Variants in SLC25A34 observed in about 807,000 individuals in gnomAD.
SLC25A34 encodes the protein solute carrier family 25, member 34.
A neutral mutation model predicts 28.1 loss-of-function variants in SLC25A34; 26 were observed. The observed-to-expected ratio is 0.93, with a 90% CI of 0.68 to 1.28. The LOEUF is 1.28. SLC25A34 is among the 50% of genes most tolerant of loss of function. The pLI is 0.00. For synonymous variants in SLC25A34, 182 were observed against 182.2 expected (o/e 1.00, Z 0.01); for missense variants, 384 against 409.8 (o/e 0.94, Z 0.54).
chr1:15,739,452 G>A lies in SLC25A34; in HGVS notation c.*46G>A, dbSNP rs778992975. 4.1e-5 allele frequency: 61 copies of A among 1,483,896 alleles called. 1 individual carries two copies. The Admixed American group carries it at 1.0e-3, about 25-fold the overall frequency. The allele number at this position is 1,483,896 out of a possible 1,614,324, so 91.9% of individuals were successfully genotyped here. A position where few individuals can be genotyped will look rare whatever the true frequency, so the allele number is the denominator to read the frequency against. On this transcript the variant is annotated 3_prime_UTR_variant, in exon 5 of 5. Transcript: ENST00000294454. ...GTCCTGACACGGCCGGCACTTGGCC[G>A]GAAGTGAGAGCCTGCTCCAGGACAA...
Position 15,736,732 on chromosome 1 carries a change from A to T in SLC25A34, c.247A>T (p.Met83Leu), listed in dbSNP as rs1225700904. ...TGCCGGCCTTCTGTACCAAGGCCTC[A>T]TGAATGGCGTTCGTTTCTACTGCTA... ...LAAGLLYQGL[M>L]NGVRFYCYSL... The change falls in exon 1 of 5, where the codon ATG (methionine) becomes TTG (leucine). Residue 83 changes from methionine to leucine, a missense_variant. Met to Leu is a conservative substitution (Grantham distance 15). Transcript: ENST00000294454. The T allele has an allele frequency of 1.9e-6, 3 of 1,609,574 alleles. No homozygotes were observed. The East Asian group carries it at 6.7e-5, about 36-fold the overall frequency.
Position 15,736,806 on chromosome 1 carries a change from G to C in SLC25A34, c.321G>C (p.Val107=). ...TCACGCAGCAACCAGGTGGCACCGT[G>C]GTTGCGGGAGCCGTGGCGGGGGCAC... The part of the protein sequence containing the change: ...AGLTQQPGGT[V]VAGAVAGALG... The change falls in exon 1 of 5, where the codon GTG becomes GTC. Residue 107 remains valine, a synonymous_variant. Coordinates refer to ENST00000294454, the MANE Select transcript of SLC25A34 (RefSeq NM_207348.3). The C allele has an allele frequency of 6.3e-7, 1 of 1,598,252 alleles. No homozygotes were observed. Among genetic ancestry groups the C allele is most frequent in the Non-Finnish European group, 8.5e-7 (1 of 1,176,034 alleles).
chr1:15,736,916 C>T, intron 1 of SLC25A34, 53 bp downstream of exon 1: 22 of 1,452,720 alleles, frequency 1.5e-5, no homozygotes, highest in Non-Finnish European at 2.0e-5. Flanking sequence ...ACCCAGCTCC[C>T]ACAGGGGCCC....
Position 15,738,601 on chromosome 1 carries a change from C to T in SLC25A34, c.605C>T (p.Pro202Leu). ...CCTGTGCCATCCCCACAGTGGCTCC[C>T]TGAGGACAGCTGGCTGGTGGCCCTG... is the stretch of plus-strand genomic sequence containing the variant. ...KAWVQKQQWLPEDSWLVALAG... is the reference protein window; with the variant it reads ...KAWVQKQQWLLEDSWLVALAG... The change falls in exon 4 of 5, where the codon CCT (proline) becomes CTT (leucine). Residue 202 changes from proline (P) to leucine (L), a missense_variant. Coordinates refer to ENST00000294454, the MANE Select transcript of SLC25A34 (RefSeq NM_207348.3). 6.2e-7 allele frequency: 1 copy of T among 1,606,644 alleles called. No homozygotes were observed.
At chr1:15,738,802 A>T (rs954866594) in intron 4 of SLC25A34, 74 bp downstream of exon 4, 60 of 1,245,908 alleles carry the variant, frequency 4.8e-5, no homozygotes, top group African/African-American at 2.0e-4. Flanking sequence ...ACACACACAC[A>T]CTCTCACACA....
chr1:15,736,587 G>A lies in SLC25A34; in HGVS notation c.102G>A (p.Leu34=). The change falls in exon 1 of 5, where the codon CTG becomes CTA. Residue 34 remains leucine, a synonymous_variant. Transcript: ENST00000294454. ...CCCTGGAGGTGGTGAAGACGCGGCT[G>A]CAGCTGCAGGGGGAGCTGCAGGCCC... is the stretch of plus-strand genomic sequence containing the variant. ...TNPLEVVKTR[L]QLQGELQARG... is the part of the protein sequence containing the mutation. 6.5e-7 allele frequency: 1 copy of A among 1,530,002 alleles called. No individual in the cohort carries two copies. 94.8% of individuals were successfully genotyped at this position (1,530,002 alleles called of 1,614,324 possible). A position where few individuals can be genotyped will look rare whatever the true frequency, so the allele number is the denominator to read the frequency against.
Position 15,739,408 on chromosome 1 carries a change from C to T in SLC25A34, c.*2C>T, listed in dbSNP as rs199527973. The T allele has an allele frequency of 8.6e-6, 13 of 1,503,180 alleles. No individual in the cohort carries two copies. Among genetic ancestry groups the T allele is most frequent in the South Asian group, 2.7e-5 (2 of 75,294 alleles). 93.1% of individuals were successfully genotyped at this position (1,503,180 alleles called of 1,614,324 possible). A position where few individuals can be genotyped will look rare whatever the true frequency, so the allele number is the denominator to read the frequency against. The stretch of plus-strand genomic sequence containing the variant: ...CGGGCCCAGCACAAGGGCACCTAGA[C>T]GACGGCCCTCACCCCCACGTCCTGA... On this transcript the variant is annotated 3_prime_UTR_variant, in exon 5 of 5. Coordinates refer to ENST00000294454, the MANE Select transcript of SLC25A34 (RefSeq NM_207348.3).
Position 15,739,362 on chromosome 1 carries a change from G to C in SLC25A34, c.871G>C (p.Glu291Gln). 2.5e-6 allele frequency: 4 copies of C among 1,580,638 alleles called. No homozygotes were observed. The highest frequency in any genetic ancestry group is 1.1e-5 in the South Asian group (1 of 88,050). The stretch of plus-strand genomic sequence containing the variant: ...CATCCTCAGCATGCTCTTCTGGGAC[G>C]AGCTTCGGAAACTGGCTGGGCGGGC... ...HTILSMLFWD[E>Q]LRKLAGRAQH... The change falls in exon 5 of 5, where the codon GAG (glutamate) becomes CAG (glutamine). Residue 291 changes from glutamate (E) to glutamine (Q), a missense_variant. Transcript: ENST00000294454.
At position 15,740,060 on chromosome 1, in the gene SLC25A34, A is replaced by G. The variant is rs2068265765; in HGVS notation, c.*654A>G. The G allele has an allele frequency of 6.6e-6, 1 of 152,228 alleles. No homozygotes were observed. The highest frequency in any genetic ancestry group is 1.5e-5 in the Non-Finnish European group (1 of 68,058). The allele number at this position is 152,228 out of a possible 1,614,324, so 9.4% of individuals were successfully genotyped here. On this transcript the variant is annotated 3_prime_UTR_variant, in exon 5 of 5. Coordinates refer to ENST00000294454, the MANE Select transcript of SLC25A34 (RefSeq NM_207348.3). ...CCACAGACTGGGCGACTTAGACAATAGAAATGTATTTTCTCACAGTTCTGG... is the reference window on the plus strand; with the variant it reads ...CCACAGACTGGGCGACTTAGACAATGGAAATGTATTTTCTCACAGTTCTGG...
intron 4 of SLC25A34, 171 bp downstream of exon 4, chr1:15,738,899 G>A (rs962301636): frequency 7.0e-6 from 6 of 856,234 alleles, no homozygotes; most frequent in Middle Eastern, 3.7e-4. Flanking sequence ...CTGAGCCCCC[G>A]GGTCCCAGGC....
rs368061264 is a variant in SLC25A34, at chr1:15,736,421, GCCA to G, written c.-57_-55del. The G allele has an allele frequency of 0.013, 18,029 of 1,369,248 alleles. 213 individuals carry two copies. The highest frequency in any genetic ancestry group is 0.056 in the South Asian group (3,085 of 54,748). The allele number at this position is 1,369,248 out of a possible 1,614,324, so 84.8% of individuals were successfully genotyped here. On this transcript the variant is annotated 5_prime_UTR_variant, in exon 1 of 5. Coordinates refer to ENST00000294454, the MANE Select transcript of SLC25A34 (RefSeq NM_207348.3). ...CTGCGAGGTTACAGACAGCCTAAAC[GCCA>G]CCACCACAGGGCCTGTGCCGTGCCC...
At position 15,738,234 on chromosome 1, in the gene SLC25A34, C is replaced by T; in HGVS notation, c.586C>T (p.Gln196Ter). The change falls in exon 3 of 5, where the codon CAG becomes TAG. Residue 196 changes from glutamine (Q) to a stop codon, truncating the protein, a stop_gained. Coordinates refer to ENST00000294454, the MANE Select transcript of SLC25A34 (RefSeq NM_207348.3). LOFTEE classifies it high-confidence loss of function. ...CTTCGCCTCTGCCAAGGCCTGGGTA[C>T]AGAAGCAACAGGTGAGGAGCTGGGG... Reference protein sequence around the residue: ...ATFASAKAWVQKQQWLPEDSW... With the variant: ...ATFASAKAWV 1 of 1,599,788 alleles carries T rather than the reference C, an allele frequency of 6.3e-7. No homozygotes were observed. The highest frequency in any genetic ancestry group is 8.5e-7 in the Non-Finnish European group (1 of 1,173,600).
chr1:15,736,545 CTG>C lies in SLC25A34; in HGVS notation c.64_65del (p.Val22LeufsTer181). 6.9e-7 allele frequency: 1 copy of C among 1,456,346 alleles called. No homozygotes were observed. Among genetic ancestry groups the C allele is most frequent in the Non-Finnish European group, 9.1e-7 (1 of 1,103,878 alleles). The allele number at this position is 1,456,346 out of a possible 1,614,324, so 90.2% of individuals were successfully genotyped here. ...TGGGTGCTTCTGCCTGCTGCCTGGC[CTG>C]TGTCTTCACCAACCCCCTGGAGGTG... ...VLGASACCLA[C>X]VFTNPLEVVK... On this transcript the variant is annotated frameshift_variant, in exon 1 of 5. Coordinates refer to ENST00000294454, the MANE Select transcript of SLC25A34 (RefSeq NM_207348.3). LOFTEE classifies it high-confidence loss of function.
At position 15,739,453 on chromosome 1, in the gene SLC25A34, G is replaced by A. The variant is rs748180983; in HGVS notation, c.*47G>A. ...TCCTGACACGGCCGGCACTTGGCCG[G>A]AAGTGAGAGCCTGCTCCAGGACAAC... On this transcript the variant is annotated 3_prime_UTR_variant, in exon 5 of 5. Coordinates refer to ENST00000294454, the MANE Select transcript of SLC25A34 (RefSeq NM_207348.3). 4.0e-6 allele frequency: 6 copies of A among 1,484,272 alleles called. No homozygotes were observed. In the South Asian group the frequency reaches 8.4e-5, roughly 21 times the overall value. The allele number at this position is 1,484,272 out of a possible 1,614,324, so 91.9% of individuals were successfully genotyped here.
Position 15,736,727 on chromosome 1 carries a change from G to C in SLC25A34, c.242G>C (p.Gly81Ala), listed in dbSNP as rs745573665. The change falls in exon 1 of 5, where the codon GGC (glycine) becomes GCC (alanine). Residue 81 changes from glycine to alanine, a missense_variant. Coordinates refer to ENST00000294454, the MANE Select transcript of SLC25A34 (RefSeq NM_207348.3). Reference sequence around the variant, plus strand: ...CTGGCTGCCGGCCTTCTGTACCAAGGCCTCATGAATGGCGTTCGTTTCTAC... The same window carrying C: ...CTGGCTGCCGGCCTTCTGTACCAAGCCCTCATGAATGGCGTTCGTTTCTAC... ...KGLAAGLLYQ[G>A]LMNGVRFYCY... 1 of 1,609,848 alleles carries C rather than the reference G, an allele frequency of 6.2e-7. No homozygotes were observed. The highest frequency in any genetic ancestry group is 2.2e-5 in the East Asian group (1 of 44,858).
At chr1:15,738,286 A>T (rs747840792) in intron 3 of SLC25A34, 41 bp downstream of exon 3, 1 of 1,546,176 alleles carries the variant, frequency 6.5e-7, no homozygotes, top group South Asian at 1.3e-5. Flanking sequence ...ACAGAGACAC[A>T]CCGGACTGAG....
chr1:15,738,796 ACACACACTCT>A, intron 4 of SLC25A34, 68 bp downstream of exon 4: 1 of 1,443,724 alleles, frequency 6.9e-7, no homozygotes, highest in Non-Finnish European at 9.1e-7. Flanking sequence ...ACACACACAC[ACACACACTCT>A]CACACACTCA....
At chr1:15,738,022 T>TG (rs1270003437) in intron 2 of SLC25A34, 28 bp downstream of exon 2, 3 of 1,613,940 alleles carry the variant, frequency 1.9e-6, no homozygotes, top group Non-Finnish European at 2.5e-6. Flanking sequence ...CAGAGCTCCC[T>TG]GGGGGCATGG....
Position 15,739,495 on chromosome 1 carries a change from G to A in SLC25A34, c.*89G>A. The A allele has an allele frequency of 6.3e-6, 9 of 1,436,192 alleles. No homozygotes were observed. Among genetic ancestry groups the A allele is most frequent in the Non-Finnish European group, 8.3e-6 (9 of 1,088,712 alleles). 89.0% of individuals were successfully genotyped at this position (1,436,192 alleles called of 1,614,324 possible). A position where few individuals can be genotyped will look rare whatever the true frequency, so the allele number is the denominator to read the frequency against. ...CAGGACAACTGGCTGTCCCGGGGCG[G>A]GCCATGGGCCCAGGCCCTGCCAGAG... On this transcript the variant is annotated 3_prime_UTR_variant, in exon 5 of 5. Coordinates refer to ENST00000294454, the MANE Select transcript of SLC25A34 (RefSeq NM_207348.3).
Sources: gnomAD v4.1 joint callset for allele counts on GRCh38, gnomAD v4.1.1 for gene constraint, MANE v1.5 for transcripts, NCBI Gene and HGNC (gene_info 2026-07-23, HGNC 2026-07-21) for gene names.